The following RARB variants were observed in gnomAD, a reference collection of about 807,000 sequenced individuals.
The protein encoded by RARB is retinoic acid receptor beta.
In RARB, 17 loss-of-function variants were observed where a neutral mutation model predicts 51.9. That is an observed-to-expected ratio of 0.33 (90% confidence interval 0.22 to 0.49). The LOEUF is 0.49. Ranked by LOEUF, RARB falls within the 20% of genes least tolerant of loss-of-function variation. The pLI is 0.99. For synonymous variants in RARB, 215 were observed against 195.4 expected, an observed-to-expected ratio of 1.10 and a Z score of -0.84; for missense variants, 369 against 550.8, an observed-to-expected ratio of 0.67 and a Z score of 3.30.
intron 4 of RARB, among the ~76,000 whole-genome samples, chr3:25,572,047 C>T (rs1015687962): frequency 2.0e-5 from 3 of 152,100 alleles, no homozygotes; most frequent in African/African-American, 7.2e-5. Context: ...CATTTCAGGC[C>T]CTGTATTGAG....
chr3:25,507,079 C>T (rs1697642972), intron 3 of RARB, among the ~76,000 whole-genome samples: 1 of 152,264 alleles, frequency 6.6e-6, no homozygotes, highest in Non-Finnish European at 1.5e-5. Context: ...TCTCACAGTG[C>T]TTCGCACAAA....
chr3:25,266,375 A>G (rs1464548867), intron 5 of RARB, among the ~76,000 whole-genome samples: 2 of 152,220 alleles, frequency 1.3e-5, no homozygotes, highest in East Asian at 1.9e-4. Context: ...TCCTTTTTCA[A>G]TGATTGAATT....
At chr3:25,231,663 A>G (rs1702179160) in intron 5 of RARB, among the ~76,000 whole-genome samples, 1 of 152,086 alleles carries the variant, frequency 6.6e-6, no homozygotes, top group South Asian at 2.1e-4. Flanking sequence ...TTAAATTTGC[A>G]TTTCCTGAGT....
intron 1 of RARB, among the ~76,000 whole-genome samples, chr3:24,830,394 G>T (rs541241335): frequency 7.0e-6 from 1 of 143,618 alleles, no homozygotes; most frequent in Non-Finnish European, 1.5e-5. Context: ...TAGAGCTGGC[G>T]TTGAAAGTGA....
chr3:25,141,330 A>T (rs1207996591), intron 4 of RARB, among the ~76,000 whole-genome samples: 4 of 152,074 alleles, frequency 2.6e-5, no homozygotes, highest in African/African-American at 9.7e-5. Context: ...TGGTACAAAT[A>T]GAATTAACTT....
intron 5 of RARB, among the ~76,000 whole-genome samples, chr3:25,339,203 G>T (rs773984714): frequency 6.6e-6 from 1 of 152,162 alleles, no homozygotes; most frequent in Non-Finnish European, 1.5e-5. Flanking sequence ...AACCTCACTT[G>T]CTAAATGAAG....
At chr3:24,909,267 T>C (rs1465645699) in intron 2 of RARB, among the ~76,000 whole-genome samples, 2 of 152,246 alleles carry the variant, frequency 1.3e-5, no homozygotes, top group African/African-American at 4.8e-5. Flanking sequence ...ATCCATTCAT[T>C]CATTCAACAA....
At chr3:25,205,083 C>G (rs934562966) in intron 5 of RARB, among the ~76,000 whole-genome samples, 3 of 152,176 alleles carry the variant, frequency 2.0e-5, no homozygotes, top group Non-Finnish European at 4.4e-5. Context: ...CCGGTTCGAG[C>G]TTCCTGGCTG....
At chr3:24,937,094 A>G (rs150736302) in intron 2 of RARB, among the ~76,000 whole-genome samples, 1 of 152,150 alleles carries the variant, frequency 6.6e-6, no homozygotes, top group Non-Finnish European at 1.5e-5. Context: ...ATTTAAGAAT[A>G]TCACTTCAAA....
chr3:25,409,589 TAATGTGGG>T, intron 5 of RARB, among the ~76,000 whole-genome samples: 1 of 152,274 alleles, frequency 6.6e-6, no homozygotes, highest in South Asian at 2.1e-4. Context: ...ATAATACATT[TAATGTGGG>T]ACTGTGTTTG....
chr3:24,910,605 A>C (rs550022124), intron 2 of RARB, among the ~76,000 whole-genome samples: 1 of 152,304 alleles, frequency 6.6e-6, no homozygotes, highest in African/African-American at 2.4e-5. Context: ...TGTCACTCTT[A>C]ACAGTCTAAC....
chr3:24,960,760 ATT>A (rs11328626), intron 2 of RARB, among the ~76,000 whole-genome samples: 2,092 of 149,168 alleles, frequency 0.014, 26 homozygotes, highest in African/African-American at 0.035. Context: ...GAGCCTTTGG[ATT>A]TTTTTTTTTT....
intron 5 of RARB, among the ~76,000 whole-genome samples, chr3:25,397,155 C>A (rs1014661084): frequency 3.3e-5 from 5 of 152,202 alleles, no homozygotes; most frequent in South Asian, 2.1e-4. Flanking sequence ...GGCAGCCCTC[C>A]CCAAGGGTCC....
At chr3:25,107,171 G>A (rs1381005004) in intron 3 of RARB, among the ~76,000 whole-genome samples, 1 of 152,162 alleles carries the variant, frequency 6.6e-6, no homozygotes, top group South Asian at 2.1e-4. Flanking sequence ...AAAGTGCTGG[G>A]ATTACAGGCA....
At chr3:24,862,908 G>C (rs928022782) in intron 2 of RARB, among the ~76,000 whole-genome samples, 3 of 152,176 alleles carry the variant, frequency 2.0e-5, no homozygotes, top group African/African-American at 7.2e-5. Flanking sequence ...GACTCACAGA[G>C]GCTGGGGTCA....
Position 24,898,415 on chromosome 3 carries a change from T to C in RARB, c.-380+39663T>C, listed in dbSNP as rs775894916. On this transcript the variant is annotated intron_variant, in intron 2 of 11. Transcript: ENST00000383772. ...AATTATAGGAATAATTTCAGAGTGT[T>C]AGCATTGAAATTATCAGTACAATTA... 2.7e-4 allele frequency among the ~76,000 whole-genome samples: 41 copies of C among 151,724 alleles called. No homozygotes were observed. In the Middle Eastern group the frequency reaches 0.01, roughly 38 times the overall value.
rs1224754375 is a variant in RARB, at chr3:25,241,852, G to C, written c.178+67277G>C. On this transcript the variant is annotated intron_variant, in intron 5 of 11. Coordinates refer to the RARB transcript ENST00000383772. ...AGTAATGGGATTGCTAGGTCAAATG[G>C]TATTTCTAGTTCTAGATCCTTGAGG... is the stretch of plus-strand genomic sequence containing the variant. Among the ~76,000 whole-genome samples, 3 of 152,310 alleles carry C rather than the reference G, an allele frequency of 2.0e-5. No homozygotes were observed. The East Asian group carries it at 5.8e-4, about 29-fold the overall frequency.
At chr3:25,049,100 A>G (rs1698276438) in intron 2 of RARB, among the ~76,000 whole-genome samples, 1 of 152,174 alleles carries the variant, frequency 6.6e-6, no homozygotes, top group Admixed American at 6.5e-5. Flanking sequence ...ATTGCCCCTG[A>G]TACAGAAAGA....
At chr3:25,336,340 A>G (rs539644813) in intron 5 of RARB, among the ~76,000 whole-genome samples, 1 of 152,346 alleles carries the variant, frequency 6.6e-6, no homozygotes, top group East Asian at 1.9e-4. Flanking sequence ...GATAAATAAC[A>G]CAATTAAATT....
Sources: gnomAD v4.1 joint callset for allele counts (sites outside exome capture counted in the v4.1 genomes callset) on GRCh38, gnomAD v4.1.1 for gene constraint, MANE v1.5 for transcripts, NCBI Gene and HGNC (gene_info 2026-07-23, HGNC 2026-07-21) for gene names.